WAC: variants seen among roughly 807,000 people sequenced by gnomAD.
WAC encodes the protein WW domain-containing adapter protein with coiled-coil.
Under a neutral mutation model 79.6 loss-of-function variants are expected in WAC, and 11 were observed. The ratio of observed to expected loss-of-function variants is 0.14; its 90% CI spans 0.09 to 0.23. WAC has a LOEUF of 0.23. WAC is among the 10% of genes least tolerant of loss of function. The pLI is 1.00. For missense variants in WAC, 728 were observed against 773.5 expected (o/e 0.94, Z 0.70); for synonymous variants, 304 against 276.9 (o/e 1.10, Z -0.97).
chr10:28,556,796 A>G (rs911658657), intron 3 of WAC, among the ~76,000 whole-genome samples: 1 of 152,026 alleles, frequency 6.6e-6, no homozygotes, highest in Non-Finnish European at 1.5e-5. Context: ...CAGTTTTCCC[A>G]GCAACATTTT....
In WAC at chr10:28,541,413, GTGTTTTGTTTTTT is replaced by G. The variant is rs1308072060; in HGVS notation, c.274+5658_274+5670del. On this transcript the variant is annotated intron_variant, in intron 3 of 13. Transcript: ENST00000354911. Reference sequence around the variant, plus strand: ...AATTTTTGTGGGGTTGTGTGTGTGTGTGTTTTGTTTTTTTTTTTTTTTTTTTTTTTTTTAAGAC... The same window carrying G: ...AATTTTTGTGGGGTTGTGTGTGTGTGTTTTTTTTTTTTTTTTTTTTAAGAC... Among the ~76,000 whole-genome samples, 223 of 50,756 alleles carry G rather than the reference GTGTTTTGTTTTTT, an allele frequency of 4.4e-3. 1 individual carries two copies. Among genetic ancestry groups the G allele is most frequent in the African/African-American group, 0.013 (217 of 17,188 alleles). The allele number at this position is 50,756 out of a possible 152,430, so 33.3% of individuals were successfully genotyped here.
intron 10 of WAC, among the ~76,000 whole-genome samples, chr10:28,613,599 T>G (rs533292527): frequency 2.6e-5 from 4 of 152,330 alleles, no homozygotes; most frequent in African/African-American, 7.2e-5. Context: ...CATTTGAGCT[T>G]TTATGTAGTG....
At chr10:28,535,110 GT>G (rs1836564752) in intron 2 of WAC, among the ~76,000 whole-genome samples, 1 of 142,302 alleles carries the variant, frequency 7.0e-6, no homozygotes, top group Non-Finnish European at 1.5e-5. Context: ...GGAGAAACTG[GT>G]GTGTGGGTTT....
chr10:28,611,459 A>C, intron 9 of WAC: 1 of 1,334,120 alleles, frequency 7.5e-7, no homozygotes, highest in South Asian at 1.2e-5. Context: ...TAAATGTAGA[A>C]TAAGAAAGAA....
Position 28,585,539 on chromosome 10 carries a change from CCTTT to C in WAC, c.381+2039_381+2042del, listed in dbSNP as rs772241550. Among the ~76,000 whole-genome samples the C allele has an allele frequency of 6.2e-4, 94 of 151,548 alleles. 1 individual carries two copies. The highest frequency in any genetic ancestry group is 4.3e-4 in the Non-Finnish European group (29 of 67,912). ...ATTTGTGATGGGTCATTTTCTTTTT[CCTTT>C]CTTTTTTTTTTTTTTCCAAGTAGGG... On this transcript the variant is annotated intron_variant, in intron 4 of 13. Coordinates refer to ENST00000354911, the MANE Select transcript of WAC (RefSeq NM_016628.5).
Position 28,549,245 on chromosome 10 carries a change from T to A in WAC, c.274+13488T>A, listed in dbSNP as rs185029318. On this transcript the variant is annotated intron_variant, in intron 3 of 13. Coordinates refer to ENST00000354911, the MANE Select transcript of WAC (RefSeq NM_016628.5). The stretch of plus-strand genomic sequence containing the variant: ...GTTGGCTTTCCTTTCTGTGCTGCTG[T>A]TTTAATCTCATGCTTGAGCCGTGAC... 1.7e-3 allele frequency among the ~76,000 whole-genome samples: 264 copies of A among 152,324 alleles called. No homozygotes were observed. The Middle Eastern group carries it at 0.02, about 12-fold the overall frequency.
intron 3 of WAC, among the ~76,000 whole-genome samples, chr10:28,559,374 T>C (rs556942887): frequency 1.3e-5 from 2 of 152,242 alleles, no homozygotes; most frequent in Non-Finnish European, 1.5e-5. Flanking sequence ...CCAGGCCTTA[T>C]GGTGAGAGTG....
Position 28,622,918 on chromosome 10 carries a change from ATTTCT to A in WAC, c.*3317_*3321del, listed in dbSNP as rs937147552. 6.6e-6 allele frequency: 1 copy of A among 152,166 alleles called. No individual in the cohort carries two copies. The highest frequency in any genetic ancestry group is 1.5e-5 in the Non-Finnish European group (1 of 68,032). The allele number at this position is 152,166 out of a possible 1,614,324, so 9.4% of individuals were successfully genotyped here. ...TTAGATGTTGGGTTTGAATATACAGATTTCTTTTCAATACCTGTAAATATGGCTAT... is the reference window on the plus strand; with the variant it reads ...TTAGATGTTGGGTTTGAATATACAGATTTCAATACCTGTAAATATGGCTAT... On this transcript the variant is annotated 3_prime_UTR_variant, in exon 14 of 14. Coordinates refer to ENST00000354911, the MANE Select transcript of WAC (RefSeq NM_016628.5).
intron 7 of WAC, among the ~76,000 whole-genome samples, chr10:28,596,484 G>A (rs530148391): frequency 6.6e-6 from 1 of 152,254 alleles, no homozygotes; most frequent in Admixed American, 6.5e-5. Flanking sequence ...AAATTAAGTT[G>A]TGGGCCATAA....
chr10:28,593,840 A>G (rs766118588), intron 6 of WAC, among the ~76,000 whole-genome samples: 1 of 152,082 alleles, frequency 6.6e-6, no homozygotes, highest in Non-Finnish European at 1.5e-5. Context: ...ACTAATTTTT[A>G]TTTTTGCAAA....
chr10:28,582,005 AG>A (rs1839564116), intron 3 of WAC, among the ~76,000 whole-genome samples: 1 of 152,248 alleles, frequency 6.6e-6, no homozygotes, highest in African/African-American at 2.4e-5. Context: ...CAGACTTCTT[AG>A]GAAATATCCT....
chr10:28,574,642 C>G lies in WAC; in HGVS notation c.275-8757C>G, dbSNP rs182473209. Among the ~76,000 whole-genome samples, 1,161 of 152,250 alleles carry G rather than the reference C, an allele frequency of 7.6e-3. 21 individuals carry two copies. The highest frequency in any genetic ancestry group is 0.027 in the African/African-American group (1,107 of 41,538). On this transcript the variant is annotated intron_variant, in intron 3 of 13. Coordinates refer to ENST00000354911, the MANE Select transcript of WAC (RefSeq NM_016628.5). ...TATTTTTAGTAGAGGCGGGGTTTCACCATGTTGCCCAAGCTGGTCTCAAAC... is the reference window on the plus strand; with the variant it reads ...TATTTTTAGTAGAGGCGGGGTTTCAGCATGTTGCCCAAGCTGGTCTCAAAC...
intron 7 of WAC, among the ~76,000 whole-genome samples, chr10:28,606,671 C>T (rs998564192): frequency 2.6e-5 from 4 of 152,128 alleles, no homozygotes; most frequent in Non-Finnish European, 5.9e-5. Flanking sequence ...TATATATGAT[C>T]TTGAAAATCT....
At chr10:28,587,370 A>C (rs1320345768) in intron 4 of WAC, among the ~76,000 whole-genome samples, 2 of 152,226 alleles carry the variant, frequency 1.3e-5, no homozygotes, top group Non-Finnish European at 2.9e-5. Context: ...TGTTTTGTTG[A>C]GCCTCTGGGT....
intron 3 of WAC, among the ~76,000 whole-genome samples, chr10:28,546,564 A>G (rs975446584): frequency 6.6e-6 from 1 of 151,686 alleles, no homozygotes; most frequent in Admixed American, 6.6e-5. Context: ...TGATACTTTG[A>G]TTTTTTTTTA....
At chr10:28,612,813 T>G (rs1841304068) in intron 10 of WAC, among the ~76,000 whole-genome samples, 1 of 152,212 alleles carries the variant, frequency 6.6e-6, no homozygotes, top group South Asian at 2.1e-4. Context: ...TCCTTATCAT[T>G]TGCCAGTATT....
chr10:28,566,244 G>GT (rs1484418927), intron 3 of WAC, among the ~76,000 whole-genome samples: 3 of 152,146 alleles, frequency 2.0e-5, no homozygotes, highest in African/African-American at 7.2e-5. Context: ...TGTTTGTTAA[G>GT]TGAGTATTGT....
chr10:28,604,239 T>G (rs1049594294), intron 7 of WAC, among the ~76,000 whole-genome samples: 2 of 126,768 alleles, frequency 1.6e-5, no homozygotes, highest in South Asian at 2.4e-4. Flanking sequence ...TTATCAGGTG[T>G]TTTTTTTTTT....
chr10:28,541,776 A>G (rs567271144), intron 3 of WAC, among the ~76,000 whole-genome samples: 8 of 152,218 alleles, frequency 5.3e-5, no homozygotes, highest in African/African-American at 1.9e-4. Context: ...TCTGCCTTCA[A>G]ATTATACTCC....
Sources: allele counts gnomAD v4.1 joint callset (sites outside exome capture counted in the v4.1 genomes callset), GRCh38; gene constraint gnomAD v4.1.1; transcripts MANE v1.5; gene names NCBI Gene and HGNC (gene_info 2026-07-23, HGNC 2026-07-21).